CNTN5: variants seen among roughly 807,000 people sequenced by gnomAD.
CNTN5 encodes contactin-5.
CNTN5 carries 77 observed loss-of-function variants against 129.1 expected under a neutral mutation model. The observed-to-expected ratio is 0.60, with a 90% CI of 0.50 to 0.72. The LOEUF (loss-of-function observed/expected upper bound fraction) is 0.72, where lower values mean the gene tolerates loss of function less well. Among genes scored for constraint, CNTN5 ranks in the 30% least tolerant of loss-of-function variants. The pLI, the probability that CNTN5 is intolerant of heterozygous loss-of-function variation, is 0.00. For synonymous variants in CNTN5, 509 were observed against 465.6 expected (o/e 1.09, Z -1.20); for missense variants, 1,478 against 1,328.8 (o/e 1.11, Z -1.75).
chr11:99,100,575 T>C (rs1024089019), intron 1 of CNTN5, among the ~76,000 whole-genome samples: 1 of 152,178 alleles, frequency 6.6e-6, no homozygotes, highest in Non-Finnish European at 1.5e-5. Context: ...AGTAATCTAT[T>C]AAGCTTTAAC....
intron 6 of CNTN5, among the ~76,000 whole-genome samples, chr11:99,864,195 G>GT (rs367924314): frequency 2.6e-5 from 4 of 151,974 alleles, no homozygotes; most frequent in East Asian, 1.9e-4. Flanking sequence ...TTATATACTT[G>GT]TTTTTTTGTC....
chr11:99,736,379 G>T (rs957785315), intron 3 of CNTN5, among the ~76,000 whole-genome samples: 1 of 152,112 alleles, frequency 6.6e-6, no homozygotes, highest in Admixed American at 6.5e-5. Flanking sequence ...GGGCAATGAG[G>T]GCTGGTGTAG....
At chr11:99,831,460 T>G (rs1947136517) in intron 4 of CNTN5, among the ~76,000 whole-genome samples, 2 of 152,188 alleles carry the variant, frequency 1.3e-5, no homozygotes, top group Admixed American at 1.3e-4. Context: ...GGAGAAGAAT[T>G]TGGCCCTTTC....
At chr11:100,065,279 T>C (rs1033994823) in intron 10 of CNTN5, among the ~76,000 whole-genome samples, 41 of 152,160 alleles carry the variant, frequency 2.7e-4, no homozygotes, top group African/African-American at 9.4e-4. Flanking sequence ...TCTTTCAAAA[T>C]AGTCTACTTT....
chr11:100,005,164 T>C (rs1940115606), intron 9 of CNTN5, among the ~76,000 whole-genome samples: 2 of 152,168 alleles, frequency 1.3e-5, no homozygotes, highest in Admixed American at 1.3e-4. Flanking sequence ...ATTCAGGAAA[T>C]AGGAATGAAT....
At chr11:99,523,143 C>T (rs558232026) in intron 2 of CNTN5, among the ~76,000 whole-genome samples, 4 of 152,300 alleles carry the variant, frequency 2.6e-5, no homozygotes, top group South Asian at 2.1e-4. Context: ...TCTTTTACCC[C>T]GTACAGCCTT....
chr11:100,349,299 T>C (rs551689660), intron 23 of CNTN5, among the ~76,000 whole-genome samples: 1 of 152,068 alleles, frequency 6.6e-6, no homozygotes, highest in South Asian at 2.1e-4. Context: ...ACATTTTCTG[T>C]AAGAAAATAT....
At chr11:100,194,607 A>AAG (rs1948587668) in intron 15 of CNTN5, among the ~76,000 whole-genome samples, 1 of 151,814 alleles carries the variant, frequency 6.6e-6, no homozygotes, top group African/African-American at 2.4e-5. Context: ...TACAAGGAAA[A>AAG]AAAAAAAAAA....
intron 2 of CNTN5, among the ~76,000 whole-genome samples, chr11:99,459,582 G>C (rs547207081): frequency 6.6e-6 from 1 of 151,984 alleles, no homozygotes; most frequent in East Asian, 1.9e-4. Flanking sequence ...TGATTCAGTG[G>C]GTGTTACAAA....
At chr11:100,147,065 C>T (rs2138284724) in intron 13 of CNTN5, among the ~76,000 whole-genome samples, 1 of 152,194 alleles carries the variant, frequency 6.6e-6, no homozygotes, top group East Asian at 1.9e-4. Context: ...CCTCATGCCT[C>T]TTTCTCTACA....
chr11:99,860,755 G>T (rs1002900468), intron 6 of CNTN5, among the ~76,000 whole-genome samples: 1 of 151,994 alleles, frequency 6.6e-6, no homozygotes, highest in African/African-American at 2.4e-5. Flanking sequence ...TGTTATTTTT[G>T]CTCAGGATTG....
At chr11:99,950,806 T>C (rs1181148557) in intron 7 of CNTN5, among the ~76,000 whole-genome samples, 1 of 152,204 alleles carries the variant, frequency 6.6e-6, no homozygotes, top group African/African-American at 2.4e-5. Context: ...ATTTTATGGA[T>C]AGTGAAACTA....
At chr11:99,274,396 A>G (rs1212139915) in intron 1 of CNTN5, among the ~76,000 whole-genome samples, 1 of 151,698 alleles carries the variant, frequency 6.6e-6, no homozygotes, top group Non-Finnish European at 1.5e-5. Context: ...ACCAGTGTTC[A>G]GAGATACTAA....
intron 1 of CNTN5, among the ~76,000 whole-genome samples, chr11:99,252,346 C>A (rs1208354528): frequency 6.6e-6 from 1 of 151,720 alleles, no homozygotes; most frequent in Non-Finnish European, 1.5e-5. Flanking sequence ...AACACACAAA[C>A]AAAAAACACA....
Position 99,797,730 on chromosome 11 carries a change from G to A in CNTN5, c.56-21814G>A, listed in dbSNP as rs988983795. ...AGTATTTTCTCCCGTTCTGCAGGTT[G>A]TTTACTCTGCTGGTTTATTTTGCTG... On this transcript the variant is annotated intron_variant, in intron 3 of 24. Transcript: ENST00000524871. 3.9e-5 allele frequency among the ~76,000 whole-genome samples: 6 copies of A among 152,026 alleles called. No individual in the cohort carries two copies. The East Asian group carries it at 1.2e-3, about 29-fold the overall frequency.
rs145700812 is a variant in CNTN5 at position 99,063,258 on chromosome 11, G to A, written c.-210+41988G>A. On this transcript the variant is annotated intron_variant, in intron 1 of 24. Coordinates refer to ENST00000524871, the MANE Select transcript of CNTN5 (RefSeq NM_014361.4). The stretch of plus-strand genomic sequence containing the variant: ...GATAAATACATGGCATCATTAGTTC[G>A]AGGACATGCTTCTCTTTCAGCTGGC... 2.6e-3 allele frequency among the ~76,000 whole-genome samples: 400 copies of A among 152,104 alleles called. 1 individual carries two copies. The highest frequency in any genetic ancestry group is 9.4e-3 in the African/African-American group (389 of 41,518).
At chr11:99,691,892 G>A (rs566455598) in intron 3 of CNTN5, among the ~76,000 whole-genome samples, 6 of 152,136 alleles carry the variant, frequency 3.9e-5, no homozygotes, top group African/African-American at 1.4e-4. Flanking sequence ...TCTCTTTGAA[G>A]GTCTCTAATA....
At chr11:99,782,927 C>T (rs946176650) in intron 3 of CNTN5, among the ~76,000 whole-genome samples, 7 of 151,526 alleles carry the variant, frequency 4.6e-5, no homozygotes, top group Admixed American at 1.3e-4. Context: ...GGCAAGGACT[C>T]CATGTCTAAA....
chr11:99,263,452 A>G (rs1397242784), intron 1 of CNTN5, among the ~76,000 whole-genome samples: 1 of 152,140 alleles, frequency 6.6e-6, no homozygotes, highest in Non-Finnish European at 1.5e-5. Flanking sequence ...AAAAACCTCA[A>G]TATCTTATGA....
Sources: allele counts gnomAD v4.1 joint callset (sites outside exome capture counted in the v4.1 genomes callset), GRCh38; gene constraint gnomAD v4.1.1; transcripts MANE v1.5; gene names NCBI Gene and HGNC (gene_info 2026-07-23, HGNC 2026-07-21).